Variants in ANKRD17 observed in about 807,000 individuals in gnomAD.
ANKRD17 encodes the protein ankyrin repeat domain-containing protein 17.
Under a neutral mutation model 229.7 loss-of-function variants are expected in ANKRD17, and 19 were observed. The ratio of observed to expected loss-of-function variants is 0.08; its 90% CI spans 0.06 to 0.12. The LOEUF (loss-of-function observed/expected upper bound fraction) is 0.12. Among genes scored for constraint, ANKRD17 ranks in the 10% least tolerant of loss-of-function variants. ANKRD17 has a pLI of 1.00. For missense variants in ANKRD17, 2,176 were observed against 3,176.8 expected, an observed-to-expected ratio of 0.68 and a Z score of 7.57; for synonymous variants, 1,112 against 1,146.1, an observed-to-expected ratio of 0.97 and a Z score of 0.60.
chr4:73,160,332 C>T (rs1250030483), intron 3 of ANKRD17, among the ~76,000 whole-genome samples: 1 of 151,310 alleles, frequency 6.6e-6, no homozygotes, highest in Non-Finnish European at 1.5e-5. Flanking sequence ...GATTCTCCCG[C>T]CTCAGCCTCC....
chr4:73,137,520 T>C (rs1729062176), intron 15 of ANKRD17, among the ~76,000 whole-genome samples: 1 of 152,038 alleles, frequency 6.6e-6, no homozygotes, highest in African/African-American at 2.4e-5. Flanking sequence ...GAAGTGGAAA[T>C]CATCATTAAG....
intron 18 of ANKRD17, among the ~76,000 whole-genome samples, chr4:73,123,138 A>G (rs1308742754): frequency 1.3e-5 from 2 of 152,080 alleles, no homozygotes; most frequent in Non-Finnish European, 2.9e-5. Flanking sequence ...ACAGTGCCCT[A>G]TTGGCTTTAA....
chr4:73,096,353 G>A (rs930018298), intron 27 of ANKRD17, among the ~76,000 whole-genome samples: 1 of 152,154 alleles, frequency 6.6e-6, no homozygotes, highest in African/African-American at 2.4e-5. Context: ...TGTATGTGAA[G>A]GAGTGAAAGA....
At chr4:73,172,088 G>A (rs971884293) in intron 2 of ANKRD17, among the ~76,000 whole-genome samples, 2 of 152,126 alleles carry the variant, frequency 1.3e-5, no homozygotes, top group Non-Finnish European at 2.9e-5. Context: ...AGAACACCAA[G>A]CAGATTTAAC....
chr4:73,102,553 A>G lies in ANKRD17; in HGVS notation c.4402-6T>C. 6.3e-7 allele frequency: 1 copy of G among 1,586,930 alleles called. No homozygotes were observed. Among genetic ancestry groups the G allele is most frequent in the Non-Finnish European group, 8.5e-7 (1 of 1,174,412 alleles). ...CTCCGACTTTCTTCCCTTAACTGTT[A>G]AAGATCAATAAAGCAGAAATATAAC... On this transcript the variant is annotated splice_region_variant and splice_polypyrimidine_tract_variant and intron_variant, in intron 24 of 33. Coordinates refer to ENST00000358602, the MANE Select transcript of ANKRD17 (RefSeq NM_032217.5).
At position 73,258,684 on chromosome 4, in the gene ANKRD17, G is replaced by A. The variant is rs894332414; in HGVS notation, c.-16C>T. 15 of 1,453,114 alleles carry A rather than the reference G, an allele frequency of 1.0e-5. No homozygotes were observed. Among genetic ancestry groups the A allele is most frequent in the East Asian group, 8.5e-5 (3 of 35,364 alleles). The allele number at this position is 1,453,114 out of a possible 1,614,324, so 90.0% of individuals were successfully genotyped here. ...CCTTCTCCATCCCCAGGGAAAGAGG[G>A]AGGGCGCGGACGGGGGAGGGGCGTG... On this transcript the variant is annotated 5_prime_UTR_variant, in exon 1 of 34. Coordinates refer to ENST00000358602, the MANE Select transcript of ANKRD17 (RefSeq NM_032217.5).
chr4:73,133,243 G>A (rs1020686512), intron 16 of ANKRD17, among the ~76,000 whole-genome samples: 10 of 151,224 alleles, frequency 6.6e-5, no homozygotes, highest in African/African-American at 1.7e-4. Context: ...GCGAGACTCC[G>A]TCTCAAAATA....
At chr4:73,238,680 G>C (rs762296126) in intron 1 of ANKRD17, among the ~76,000 whole-genome samples, 10 of 152,060 alleles carry the variant, frequency 6.6e-5, no homozygotes, top group Non-Finnish European at 1.3e-4. Flanking sequence ...TATTCATACA[G>C]ATCTGTAAAG....
chr4:73,222,373 G>C (rs1312587615), intron 1 of ANKRD17, among the ~76,000 whole-genome samples: 2 of 152,084 alleles, frequency 1.3e-5, no homozygotes, highest in East Asian at 3.8e-4. Context: ...TCAAATTATA[G>C]TAATTTTGTA....
At position 73,258,751 on chromosome 4, in the gene ANKRD17, A is replaced by T; in HGVS notation, c.-83T>A. 2.2e-5 allele frequency: 28 copies of T among 1,297,264 alleles called. No homozygotes were observed. The highest frequency in any genetic ancestry group is 2.6e-5 in the Non-Finnish European group (27 of 1,025,584). The allele number at this position is 1,297,264 out of a possible 1,614,324, so 80.4% of individuals were successfully genotyped here. A position where few individuals can be genotyped will look rare whatever the true frequency, so the allele number is the denominator to read the frequency against. The stretch of plus-strand genomic sequence containing the variant: ...CGACTTCGGCCGCACTGGGGCCGAC[A>T]CAGCAATCGGTGCCGCCTCCGCCGC... On this transcript the variant is annotated 5_prime_UTR_variant, in exon 1 of 34. Coordinates refer to ENST00000358602, the MANE Select transcript of ANKRD17 (RefSeq NM_032217.5).
chr4:73,134,408 T>C (rs1728624933), intron 16 of ANKRD17, among the ~76,000 whole-genome samples: 2 of 152,230 alleles, frequency 1.3e-5, no homozygotes, highest in South Asian at 2.1e-4. Flanking sequence ...CCATGTACTC[T>C]TGACCTTATT....
chr4:73,086,919 A>AAATATATAT (rs1553911000), intron 29 of ANKRD17, among the ~76,000 whole-genome samples: 9 of 12,466 alleles, frequency 7.2e-4, no homozygotes, highest in Non-Finnish European at 8.8e-4. Flanking sequence ...AAAAAAAAAA[A>AAATATATAT]ATATATATAT....
intron 1 of ANKRD17, among the ~76,000 whole-genome samples, chr4:73,189,770 G>A (rs563482770): frequency 6.6e-6 from 1 of 151,948 alleles, no homozygotes; most frequent in Non-Finnish European, 1.5e-5. Flanking sequence ...ACCACAGCCT[G>A]AAATTATCTT....
chr4:73,125,588 C>T (rs1430971420), intron 16 of ANKRD17, among the ~76,000 whole-genome samples: 2 of 151,914 alleles, frequency 1.3e-5, no homozygotes, highest in Non-Finnish European at 2.9e-5. Flanking sequence ...TAAAAATTAG[C>T]CGGGTGTGGT....
At chr4:73,097,489 C>T (rs1259037403) in intron 26 of ANKRD17, among the ~76,000 whole-genome samples, 1 of 150,904 alleles carries the variant, frequency 6.6e-6, no homozygotes, top group Non-Finnish European at 1.5e-5. Context: ...GGCTGGAGCG[C>T]AACAGTGCAA....
intron 1 of ANKRD17, among the ~76,000 whole-genome samples, chr4:73,206,835 T>A (rs533430776): frequency 1.3e-5 from 2 of 152,076 alleles, no homozygotes; most frequent in African/African-American, 4.8e-5. Flanking sequence ...GATTTTTTTT[T>A]CCCCCAAGAC....
chr4:73,087,142 C>T (rs775165019), intron 29 of ANKRD17, among the ~76,000 whole-genome samples: 1 of 150,488 alleles, frequency 6.6e-6, no homozygotes, highest in Non-Finnish European at 1.5e-5. Context: ...CAGGAGATTG[C>T]TCTGTTGCTC....
intron 10 of ANKRD17, among the ~76,000 whole-genome samples, chr4:73,145,555 C>T (rs1730160572): frequency 1.3e-5 from 2 of 152,062 alleles, no homozygotes; most frequent in South Asian, 2.1e-4. Flanking sequence ...AAAGCCTTCA[C>T]ATCTGATGAA....
chr4:73,078,338 C>T (rs1721210451), intron 31 of ANKRD17, among the ~76,000 whole-genome samples: 2 of 151,682 alleles, frequency 1.3e-5, no homozygotes, highest in East Asian at 3.9e-4. Flanking sequence ...GATTGTGCCG[C>T]TGCAGTCCGG....
Sources: gnomAD v4.1 joint callset for allele counts (sites outside exome capture counted in the v4.1 genomes callset) on GRCh38, gnomAD v4.1.1 for gene constraint, MANE v1.5 for transcripts, NCBI Gene and HGNC (gene_info 2026-07-23, HGNC 2026-07-21) for gene names.